The following HAPLN2 variants were observed in gnomAD, a reference collection of about 807,000 sequenced individuals.
HAPLN2 encodes hyaluronan and proteoglycan link protein 2.
A neutral mutation model predicts 29.3 loss-of-function variants in HAPLN2; 27 were observed. The observed-to-expected ratio is 0.92, with a 90% CI of 0.68 to 1.27. The LOEUF (loss-of-function observed/expected upper bound fraction) is 1.27. Among genes scored for constraint, HAPLN2 ranks in the 50% most tolerant of loss-of-function variants. The pLI, the probability that HAPLN2 is intolerant of heterozygous loss-of-function variation, is 0.00. For synonymous variants in HAPLN2, 208 were observed against 211.7 expected (o/e 0.98, Z 0.15); for missense variants, 454 against 484.3 (o/e 0.94, Z 0.59).
upstream of HAPLN2, among the ~76,000 whole-genome samples, chr1:156,618,778 CAAAAAAAAAAAA>C (rs67222173): frequency 0.032 from 1,346 of 41,726 alleles, 28 homozygotes; most frequent in African/African-American, 0.087. Flanking sequence ...GACTCCGTCT[CAAAAAAAAAAAA>C]AAAAAAAAAA....
At chr1:156,622,809 C>G (rs764534150) in intron 2 of HAPLN2, among the ~76,000 whole-genome samples, 1 of 151,696 alleles carries the variant, frequency 6.6e-6, no homozygotes, top group Non-Finnish European at 1.5e-5. Flanking sequence ...CGGTGGCTCA[C>G]GCCTGCTGTA....
At chr1:156,602,348 C>T in the HAPLN2 span, among the ~76,000 whole-genome samples, 1 of 151,946 alleles carries the variant, frequency 6.6e-6, no homozygotes, top group African/African-American at 2.4e-5. Flanking sequence ...AACACCCAGT[C>T]TAGCCTGGGA....
At chr1:156,623,053 T>TAAAAAATAAAATA (rs1553235352) in intron 2 of HAPLN2, among the ~76,000 whole-genome samples, 5 of 112,754 alleles carry the variant, frequency 4.4e-5, no homozygotes, top group African/African-American at 1.6e-4. Context: ...AATAAATAAA[T>TAAAAAATAAAATA]AAATAAATAA....
the HAPLN2 span, among the ~76,000 whole-genome samples, chr1:156,606,489 CTTT>C: frequency 7.3e-6 from 1 of 136,412 alleles, no homozygotes. Flanking sequence ...AAGCCCTCCA[CTTT>C]TTTTTTTTTT....
intron 5 of HAPLN2, 50 bp downstream of exon 5, chr1:156,624,517 G>A (rs763282965): frequency 1.8e-5 from 29 of 1,604,536 alleles, no homozygotes; most frequent in Non-Finnish European, 2.5e-5. Flanking sequence ...CTGTCTCAGG[G>A]GCCCGAGAGA....
At chr1:156,607,972 A>G in the HAPLN2 span, among the ~76,000 whole-genome samples, 1 of 152,236 alleles carries the variant, frequency 6.6e-6, no homozygotes, top group Non-Finnish European at 1.5e-5. Flanking sequence ...TGTGTCTCAC[A>G]GGATTCAATC....
At chr1:156,601,613 T>C in the HAPLN2 span, 5 of 698,864 alleles carry the variant, frequency 7.2e-6, no homozygotes, top group African/African-American at 9.0e-5. Flanking sequence ...ACCTGGAGCG[T>C]GCCCATTTTC....
chr1:156,602,012 A>G, the HAPLN2 span, among the ~76,000 whole-genome samples: 52 of 151,228 alleles, frequency 3.4e-4, 2 homozygotes, highest in South Asian at 0.01. Context: ...CGACTCACTC[A>G]CTGTAACCTC....
At chr1:156,613,847 G>A in the HAPLN2 span, among the ~76,000 whole-genome samples, 1 of 147,234 alleles carries the variant, frequency 6.8e-6, no homozygotes, top group African/African-American at 2.5e-5. Flanking sequence ...ATCCCAGGAA[G>A]CAGAGGTTGC....
chr1:156,622,530 CA>C (rs1438080059), intron 2 of HAPLN2, among the ~76,000 whole-genome samples: 3 of 151,836 alleles, frequency 2.0e-5, no homozygotes, highest in Non-Finnish European at 2.9e-5. Flanking sequence ...AAAGGTTTCC[CA>C]AAGGAGGTGA....
the HAPLN2 span, among the ~76,000 whole-genome samples, chr1:156,607,133 C>T: frequency 1.3e-5 from 2 of 152,186 alleles, no homozygotes; most frequent in Admixed American, 1.3e-4. Context: ...CAAGTGTCAT[C>T]GAATAATTTT....
rs1458647081 is a variant in HAPLN2 at position 156,624,783 on chromosome 1, G to A, written c.739G>A (p.Gly247Ser). 1 of 1,495,964 alleles carries A rather than the reference G, an allele frequency of 6.7e-7. No homozygotes were observed. Among genetic ancestry groups the A allele is most frequent in the Non-Finnish European group, 8.8e-7 (1 of 1,131,020 alleles). 92.7% of individuals were successfully genotyped at this position (1,495,964 alleles called of 1,614,324 possible). The part of the protein sequence containing the change: ...DAFCFTSALA[G>S]QVFFVPGRLT... ...CTTCTGCTTCACCTCCGCGCTGGCG[G>A]GTGAGGCGCGGGACGAAGGCAGGGT... The change falls in exon 6 of 7, where the codon GGC becomes AGC. Residue 247 changes from glycine to serine, a missense_variant and splice_region_variant. By Grantham distance (56) the Gly-to-Ser change is moderately conservative. Around this residue, in one of 3 missense-constraint regions of HAPLN2, gnomAD observed 235 missense variants for 236.9 expected, o/e 0.99. Transcript: ENST00000255039.
intron 2 of HAPLN2, among the ~76,000 whole-genome samples, chr1:156,622,823 C>G (rs1297742605): frequency 6.6e-6 from 1 of 151,470 alleles, no homozygotes; most frequent in Non-Finnish European, 1.5e-5. Context: ...TGCTGTAATC[C>G]CAGCACCAGC....
the HAPLN2 span, among the ~76,000 whole-genome samples, chr1:156,606,567 C>A: frequency 6.6e-6 from 1 of 151,030 alleles, no homozygotes; most frequent in African/African-American, 2.4e-5. Flanking sequence ...CCTGAAGCCT[C>A]AATCTCCTGG....
chr1:156,612,852 T>C, the HAPLN2 span, among the ~76,000 whole-genome samples: 1 of 152,230 alleles, frequency 6.6e-6, no homozygotes, highest in Non-Finnish European at 1.5e-5. Flanking sequence ...AGTGGATTTA[T>C]TATTAAAGGG....
chr1:156,602,549 CAAAAAAAA>C, the HAPLN2 span, among the ~76,000 whole-genome samples: 3 of 43,752 alleles, frequency 6.9e-5, no homozygotes, highest in Non-Finnish European at 8.6e-5. Flanking sequence ...CTAAAAATAC[CAAAAAAAA>C]AAAAAAAAAA....
the HAPLN2 span, among the ~76,000 whole-genome samples, chr1:156,612,699 G>A: frequency 3.3e-5 from 5 of 152,284 alleles, no homozygotes; most frequent in South Asian, 1.0e-3. Flanking sequence ...CCTTAGCTAC[G>A]CGAAGGACTT....
At chr1:156,601,968 C>T in the HAPLN2 span, among the ~76,000 whole-genome samples, 1 of 151,520 alleles carries the variant, frequency 6.6e-6, no homozygotes, top group Non-Finnish European at 1.5e-5. Flanking sequence ...GGGTCTCGCT[C>T]TGTTGCCCAG....
At position 156,623,518 on chromosome 1, in the gene HAPLN2, C is replaced by T. The variant is rs1471148800; in HGVS notation, c.28C>T (p.Leu10Phe). MPGWLTLPT[L>F]CRFLLWAFTI... is the part of the protein sequence containing the mutation. The stretch of plus-strand genomic sequence containing the variant: ...GCCAGGCTGGCTCACCCTCCCCACA[C>T]TCTGCCGCTTCCTTCTTTGGGCCTT... The change falls in exon 3 of 7, where the codon CTC becomes TTC. Residue 10 changes from leucine to phenylalanine, a missense_variant. By Grantham distance (22) the Leu-to-Phe change is conservative. Coordinates refer to ENST00000255039, the MANE Select transcript of HAPLN2 (RefSeq NM_021817.3). The T allele has an allele frequency of 1.2e-6, 2 of 1,614,066 alleles. No individual in the cohort carries two copies. Among genetic ancestry groups the T allele is most frequent in the Admixed American group, 3.3e-5 (2 of 60,012 alleles).
Sources: gnomAD v4.1 joint callset for allele counts (sites outside exome capture counted in the v4.1 genomes callset) on GRCh38, gnomAD v4.1.1 for gene constraint, gnomAD v4.1.1 regional missense constraint, MANE v1.5 for transcripts, NCBI Gene and HGNC (gene_info 2026-07-23, HGNC 2026-07-21) for gene names.